The following FAM111B variants were observed in gnomAD, a reference collection of about 807,000 sequenced individuals.
FAM111B encodes the protein FAM111 trypsin like peptidase B, also known as serine protease FAM111B.
In FAM111B, 1 loss-of-function variant was observed where a neutral mutation model predicts 2.8. The ratio of observed to expected loss-of-function variants is 0.36; its 90% CI spans 0.13 to 1.70. The LOEUF is 1.70. Among genes scored for constraint, FAM111B ranks in the 40% most tolerant of loss-of-function variants. The probability of loss-of-function intolerance (pLI) is 0.35; values close to 1 mark genes in which losing one functional copy is unlikely to be tolerated. For synonymous variants in FAM111B, 297 were observed against 295.6 expected (o/e 1.00, Z -0.05); for missense variants, 882 against 878.9 (o/e 1.00, Z -0.04).
chr11:59,107,265 A>G lies in FAM111B; in HGVS notation c.-163A>G, dbSNP rs1479481023. ...TCCAGAGCGGCGGGCACTGACGGGC[A>G]CTTGCACCGTGTGGACAGACTCTCC... On this transcript the variant is annotated 5_prime_UTR_variant, in exon 1 of 4. Transcript: ENST00000343597. 2 of 152,464 alleles carry G rather than the reference A, an allele frequency of 1.3e-5. No homozygotes were observed. Among genetic ancestry groups the G allele is most frequent in the African/African-American group, 4.8e-5 (2 of 41,444 alleles). 9.4% of individuals were successfully genotyped at this position (152,464 alleles called of 1,614,324 possible). A position where few individuals can be genotyped will look rare whatever the true frequency, so the allele number is the denominator to read the frequency against.
Position 59,110,268 on chromosome 11 carries a change from C to T in FAM111B, c.81+562C>T, listed in dbSNP as rs117135889. 6.9e-3 allele frequency among the ~76,000 whole-genome samples: 1,049 copies of T among 152,144 alleles called. 6 individuals are homozygous for T. Among genetic ancestry groups the T allele is most frequent in the Middle Eastern group, 0.024 (7 of 294 alleles). ...GACATAAACAAGTGATTTTAGAGTA[C>T]AGAGAGAAGAATGCTTAATTCAGAC... On this transcript the variant is annotated intron_variant, in intron 3 of 3. Coordinates refer to ENST00000343597, the MANE Select transcript of FAM111B (RefSeq NM_198947.4).
In FAM111B at chr11:59,109,680, C is replaced by A. The variant is rs568140535; in HGVS notation, c.55C>A (p.Gln19Lys). 11 of 1,611,992 alleles carry A rather than the reference C, an allele frequency of 6.8e-6. No individual in the cohort carries two copies. The highest frequency in any genetic ancestry group is 9.3e-6 in the Non-Finnish European group (11 of 1,178,854). Reference protein sequence around the residue: ...NKSFSAMEDDQRTRPEVSKDT... With the variant: ...NKSFSAMEDDKRTRPEVSKDT... ...GTCATTTAGCGCTATGGAAGATGAC[C>A]AGAGGACTAGACCTGAAGTTTCAAA... is the stretch of plus-strand genomic sequence containing the variant. The change falls in exon 3 of 4, where the codon CAG (glutamine) becomes AAG (lysine). Residue 19 changes from glutamine to lysine, a missense_variant. Physicochemically the swap from Gln to Lys is moderately conservative, Grantham distance 53 (BLOSUM62 1). Transcript: ENST00000343597.
chr11:59,114,079 T>A lies in FAM111B; in HGVS notation c.81+4373T>A, dbSNP rs574263373. 5.3e-5 allele frequency among the ~76,000 whole-genome samples: 8 copies of A among 152,356 alleles called. No homozygotes were observed. The South Asian group carries it at 1.7e-3, about 32-fold the overall frequency. ...CAAAGGTAACAGAAAGTGGCAAGTGTGTGCCTTGGAGTGCTGCTCCGGCTA... is the reference window on the plus strand; with the variant it reads ...CAAAGGTAACAGAAAGTGGCAAGTGAGTGCCTTGGAGTGCTGCTCCGGCTA... On this transcript the variant is annotated intron_variant, in intron 3 of 3. Coordinates refer to ENST00000343597, the MANE Select transcript of FAM111B (RefSeq NM_198947.4).
Position 59,124,738 on chromosome 11 carries a change from A to G in FAM111B, c.641A>G (p.Tyr214Cys). ...GAAAAAGGAAGTAAACTTTGTATTT[A>G]TGCCTTGAAGGGTGAGACTATTGAA... ...LHEKGSKLCI[Y>C]ALKGETIEGA... The change falls in exon 4 of 4, where the codon TAT (tyrosine) becomes TGT (cysteine). Residue 214 changes from tyrosine to cysteine, a missense_variant. Transcript: ENST00000343597. 1 of 1,613,854 alleles carries G rather than the reference A, an allele frequency of 6.2e-7. No individual in the cohort carries two copies.
intron 3 of FAM111B, among the ~76,000 whole-genome samples, chr11:59,117,987 T>C (rs866958547): frequency 1.5e-4 from 23 of 152,062 alleles, no homozygotes; most frequent in African/African-American, 5.3e-4. Context: ...GTTGCAGAAT[T>C]TTCTGGGATT....
intron 3 of FAM111B, among the ~76,000 whole-genome samples, chr11:59,113,665 C>T (rs1859795866): frequency 6.6e-6 from 1 of 152,188 alleles, no homozygotes; most frequent in Non-Finnish European, 1.5e-5. Flanking sequence ...CAGACAAAAG[C>T]TCTGCACAGA....
intron 3 of FAM111B, among the ~76,000 whole-genome samples, chr11:59,123,652 C>T (rs909391640): frequency 2.6e-5 from 4 of 152,210 alleles, no homozygotes; most frequent in African/African-American, 9.7e-5. Flanking sequence ...GTGAAATATT[C>T]TGTAGCCCCT....
intron 3 of FAM111B, among the ~76,000 whole-genome samples, chr11:59,120,373 A>T (rs1463607277): frequency 6.6e-6 from 1 of 152,176 alleles, no homozygotes; most frequent in Non-Finnish European, 1.5e-5. Context: ...TTTAAATCCT[A>T]ATCTCCAAGG....
intron 2 of FAM111B, among the ~76,000 whole-genome samples, chr11:59,108,980 A>G (rs886178083): frequency 6.6e-6 from 1 of 152,060 alleles, no homozygotes; most frequent in Non-Finnish European, 1.5e-5. Context: ...GCTTGCTTTT[A>G]TTTATTAGGT....
Position 59,124,457 on chromosome 11 carries a change from G to C in FAM111B, c.360G>C (p.Arg120Ser), listed in dbSNP as rs970857703. The change falls in exon 4 of 4, where the codon AGG (arginine) becomes AGC (serine). Residue 120 changes from arginine (R) to serine (S), a missense_variant. By Grantham distance (110) the Arg-to-Ser change is moderately radical. Transcript: ENST00000343597. ...GTGCTAATGACTATTTCAGTGAAAG[G>C]ATAAAGAATCAGTTTAATAAGAACA... Reference protein sequence around the residue: ...ALSANDYFSERIKNQFNKNII... With the variant: ...ALSANDYFSESIKNQFNKNII... The C allele has an allele frequency of 6.2e-7, 1 of 1,613,560 alleles. No homozygotes were observed.
chr11:59,125,841 G>A lies in FAM111B; in HGVS notation c.1744G>A (p.Gly582Ser), dbSNP rs1860018965. Residue 582 changes from glycine (G) to serine (S), a missense_variant, in exon 4 of 4, where the codon GGC (glycine) becomes AGC (serine). By Grantham distance (56) the Gly-to-Ser change is moderately conservative (BLOSUM62 0). Coordinates refer to ENST00000343597, the MANE Select transcript of FAM111B (RefSeq NM_198947.4). ...GATTTATTTAATTGGTCATCCTGAA[G>A]GCCAGATCAAGAAAATAGATGGTTG... The part of the protein sequence containing the change: ...GLIYLIGHPE[G>S]QIKKIDGCTV... 6.2e-7 allele frequency: 1 copy of A among 1,613,730 alleles called. No homozygotes were observed. Among genetic ancestry groups the A allele is most frequent in the African/African-American group, 1.3e-5 (1 of 74,884 alleles).
intron 3 of FAM111B, among the ~76,000 whole-genome samples, chr11:59,112,161 C>A (rs2135396386): frequency 6.6e-6 from 1 of 152,248 alleles, no homozygotes. Flanking sequence ...CTGTTCTCCC[C>A]ACTTGTGCCC....
chr11:59,115,083 T>G (rs1477476588), intron 3 of FAM111B, among the ~76,000 whole-genome samples: 1 of 152,188 alleles, frequency 6.6e-6, no homozygotes, highest in Non-Finnish European at 1.5e-5. Context: ...TCAGTACCTG[T>G]GTCCCTTCCA....
chr11:59,112,685 T>A (rs1859778348), intron 3 of FAM111B, among the ~76,000 whole-genome samples: 1 of 152,268 alleles, frequency 6.6e-6, no homozygotes, highest in South Asian at 2.1e-4. Flanking sequence ...TTCTGATTTA[T>A]TCATTCTCAT....
In FAM111B at chr11:59,115,455, C is replaced by G. The variant is rs552941217; in HGVS notation, c.81+5749C>G. 3.9e-4 allele frequency among the ~76,000 whole-genome samples: 60 copies of G among 152,302 alleles called. No individual in the cohort carries two copies. The South Asian group carries it at 4.4e-3, about 11-fold the overall frequency. ...ACCCAGCTTCTTGTGTTACCAGCCA[C>G]AAGTTTTTAGTCTCCCATGCAATAG... On this transcript the variant is annotated intron_variant, in intron 3 of 3. Transcript: ENST00000343597.
chr11:59,107,722 T>C (rs1325553711), intron 1 of FAM111B, among the ~76,000 whole-genome samples: 2 of 152,174 alleles, frequency 1.3e-5, no homozygotes. Context: ...CAAGGATTTC[T>C]GGAAAGAGAC....
At position 59,125,181 on chromosome 11, in the gene FAM111B, T is replaced by C; in HGVS notation, c.1084T>C (p.Ser362Pro). ...SLPRKYRQIN[S>P]QVRRRPHLGR... ...GCCCCGAAAATATAGGCAAATAAAC[T>C]CACAAGTTAGACGGAGGCCGCATCT... The change falls in exon 4 of 4, where the codon TCA becomes CCA. Residue 362 changes from serine to proline, a missense_variant. Coordinates refer to ENST00000343597, the MANE Select transcript of FAM111B (RefSeq NM_198947.4). 2 of 1,613,952 alleles carry C rather than the reference T, an allele frequency of 1.2e-6. No homozygotes were observed. Among genetic ancestry groups the C allele is most frequent in the Non-Finnish European group, 1.7e-6 (2 of 1,179,868 alleles).
intron 3 of FAM111B, among the ~76,000 whole-genome samples, chr11:59,122,516 C>T (rs951009545): frequency 6.6e-6 from 1 of 152,080 alleles, no homozygotes; most frequent in Non-Finnish European, 1.5e-5. Context: ...TTTAAAAACA[C>T]AGTATATGAG....
rs1187681028 is a variant in FAM111B at position 59,124,401 on chromosome 11, A to G, written c.304A>G (p.Lys102Glu). The G allele has an allele frequency of 3.1e-6, 5 of 1,613,770 alleles. No individual in the cohort carries two copies. Among genetic ancestry groups the G allele is most frequent in the Non-Finnish European group, 3.4e-6 (4 of 1,179,856 alleles). ...CCGTAGTGTGTTTACAGCATATGGTAAACCCAGCGAGAGTATCTACTCAGC... is the reference window on the plus strand; with the variant it reads ...CCGTAGTGTGTTTACAGCATATGGTGAACCCAGCGAGAGTATCTACTCAGC... ...LDRSVFTAYG[K>E]PSESIYSALS... The change falls in exon 4 of 4, where the codon AAA becomes GAA. Residue 102 changes from lysine (K) to glutamate (E), a missense_variant. By Grantham distance (56) the Lys-to-Glu change is moderately conservative. Coordinates refer to ENST00000343597, the MANE Select transcript of FAM111B (RefSeq NM_198947.4).
Sources: gnomAD v4.1 joint callset for allele counts (sites outside exome capture counted in the v4.1 genomes callset) on GRCh38, gnomAD v4.1.1 for gene constraint, MANE v1.5 for transcripts, NCBI Gene and HGNC (gene_info 2026-07-23, HGNC 2026-07-21) for gene names.